GSN: variants seen among roughly 807,000 people sequenced by gnomAD.
The protein encoded by GSN is gelsolin.
A neutral mutation model predicts 85.7 loss-of-function variants in GSN; 56 were observed. The observed-to-expected ratio is 0.65, with a 90% CI of 0.53 to 0.82. The LOEUF is 0.82. Among genes scored for constraint, GSN ranks in the 40% least tolerant of loss-of-function variants. The pLI is 0.00. For missense variants in GSN, 857 were observed against 979.8 expected (o/e 0.87, Z 1.67); for synonymous variants, 373 against 399.1 (o/e 0.93, Z 0.78).
intron 4 of GSN, among the ~76,000 whole-genome samples, chr9:121,304,294 G>A (rs1387097554): frequency 6.6e-6 from 1 of 152,244 alleles, no homozygotes; most frequent in East Asian, 1.9e-4. Context: ...TGGATTCCCT[G>A]GAGCCCCTTG....
intron 1 of GSN, among the ~76,000 whole-genome samples, chr9:121,269,478 TC>T (rs1422937044): frequency 6.6e-6 from 1 of 152,160 alleles, no homozygotes; most frequent in Non-Finnish European, 1.5e-5. Flanking sequence ...TCTTGGGTGT[TC>T]CGTTTACTAA....
upstream of GSN, among the ~76,000 whole-genome samples, chr9:121,207,201 G>A (rs879431806): frequency 6.6e-6 from 1 of 152,188 alleles, no homozygotes; most frequent in Non-Finnish European, 1.5e-5. Flanking sequence ...TACTCTACTT[G>A]CAAGCTAACA....
intron 1 of GSN, chr9:121,279,734 A>G (rs1464636620): frequency 1.3e-5 from 2 of 152,182 alleles, no homozygotes; most frequent in Non-Finnish European, 2.9e-5. Flanking sequence ...TGAGGATGAG[A>G]GTGCAATTTG....
At chr9:121,282,466 T>TA (rs746082677) in intron 2 of GSN, 46 of 1,273,494 alleles carry the variant, frequency 3.6e-5, no homozygotes, top group Non-Finnish European at 4.4e-5. Flanking sequence ...ATACAGGACT[T>TA]ACGCGTCTGC....
intron 4 of GSN, among the ~76,000 whole-genome samples, chr9:121,217,798 G>GTATTAT (rs202182690): frequency 0.067 from 9,534 of 143,262 alleles, 322 homozygotes; most frequent in Non-Finnish European, 0.073. Flanking sequence ...ATATAGAAAT[G>GTATTAT]TATTATTATT....
upstream of GSN, chr9:121,265,885 A>T (rs192270258): frequency 2.1e-4 from 32 of 152,342 alleles, no homozygotes; most frequent in Admixed American, 2.1e-3. Flanking sequence ...GGCAGACTTG[A>T]TATATCCTGC....
At chr9:121,310,970 T>G in intron 5 of GSN, 125 bp downstream of exon 5, 1 of 825,110 alleles carries the variant, frequency 1.2e-6, no homozygotes, top group East Asian at 2.6e-5. Flanking sequence ...CCAGCATTGT[T>G]CACGTACAGA....
chr9:121,227,824 G>A (rs904375829), intron 4 of GSN, among the ~76,000 whole-genome samples: 1 of 152,064 alleles, frequency 6.6e-6, no homozygotes, highest in Admixed American at 6.6e-5. Context: ...AGGCCAGTGT[G>A]GCTGGAGCCT....
chr9:121,324,707 T>G, intron 12 of GSN, 63 bp downstream of exon 12: 1 of 789,422 alleles, frequency 1.3e-6, no homozygotes, highest in Non-Finnish European at 2.2e-6. Flanking sequence ...TTCACTCATC[T>G]GTCTGACTCT....
intron 2 of GSN, chr9:121,281,905 G>C (rs1412101910): frequency 2.1e-6 from 1 of 471,392 alleles, no homozygotes; most frequent in Non-Finnish European, 4.4e-6. Flanking sequence ...GAAGAGCAGA[G>C]TCCCCATAAA....
chr9:121,250,944 C>T (rs1174587234), intron 6 of GSN, among the ~76,000 whole-genome samples: 1 of 151,372 alleles, frequency 6.6e-6, no homozygotes, highest in Non-Finnish European at 1.5e-5. Flanking sequence ...ACCTTAGCCT[C>T]CCAAGTAGCT....
chr9:121,228,720 C>T lies in GSN; in HGVS notation c.-527-2445C>T, dbSNP rs1026772816. The stretch of plus-strand genomic sequence containing the variant: ...GATTACAGGCAAGAGCCACTGTGCC[C>T]GGCCCTTAGCCCTTTATTTTAAAAA... On this transcript the variant is annotated intron_variant, in intron 4 of 24. Coordinates refer to the GSN transcript ENST00000373823. 1.1e-4 allele frequency among the ~76,000 whole-genome samples: 16 copies of T among 152,082 alleles called. No homozygotes were observed. The East Asian group carries it at 2.5e-3, about 24-fold the overall frequency.
intron 14 of GSN, 67 bp from the exon 15 acceptor site, chr9:121,328,824 G>C: frequency 6.4e-7 from 1 of 1,560,056 alleles, no homozygotes; most frequent in Non-Finnish European, 8.8e-7. Flanking sequence ...GCTGGTCCCA[G>C]GGTCCGATGA....
chr9:121,229,455 G>A (rs963816697), intron 4 of GSN, among the ~76,000 whole-genome samples: 1 of 152,066 alleles, frequency 6.6e-6, no homozygotes, highest in Non-Finnish European at 1.5e-5. Flanking sequence ...TCTGACCTCA[G>A]GTGATCCACC....
chr9:121,305,420 C>G lies in GSN; in HGVS notation c.351+2355C>G, dbSNP rs306782. On this transcript the variant is annotated intron_variant, in intron 4 of 17. Transcript: ENST00000432226. ...CTTTACTCATTTAACTCATTTTACC[C>G]TAACAGGTAGGGTATCTGTTAGCAC... 4.7e-3 allele frequency among the ~76,000 whole-genome samples: 708 copies of G among 152,254 alleles called. 3 individuals are homozygous for G. The highest frequency in any genetic ancestry group is 0.016 in the African/African-American group (673 of 41,528).
intron 6 of GSN, 37 bp from the exon 7 acceptor site, chr9:121,313,897 C>T: frequency 6.6e-7 from 1 of 1,519,936 alleles, no homozygotes; most frequent in East Asian, 2.2e-5. Flanking sequence ...CCCTCCCTCA[C>T]AGCCACCCTT....
intron 4 of GSN, chr9:121,309,071 AC>A (rs1352429860): frequency 6.6e-6 from 1 of 152,142 alleles, no homozygotes; most frequent in Non-Finnish European, 1.5e-5. Context: ...GGAGACGAGC[AC>A]CCGATTGGGA....
At chr9:121,293,769 T>C (rs34612219) in intron 2 of GSN, among the ~76,000 whole-genome samples, 210 of 151,976 alleles carry the variant, frequency 1.4e-3, no homozygotes, top group African/African-American at 4.9e-3. Flanking sequence ...CTCAGAGAGA[T>C]AGAAACTTAT....
chr9:121,235,543 A>AG (rs2054476057), intron 5 of GSN, among the ~76,000 whole-genome samples: 1 of 152,244 alleles, frequency 6.6e-6, no homozygotes, highest in Admixed American at 6.5e-5. Flanking sequence ...TGTAATAAAA[A>AG]GGCAAACTAG....
Sources: gnomAD v4.1 joint callset for allele counts (sites outside exome capture counted in the v4.1 genomes callset) on GRCh38, gnomAD v4.1.1 for gene constraint, MANE v1.5 for transcripts, NCBI Gene and HGNC (gene_info 2026-07-23, HGNC 2026-07-21) for gene names.